TAF3: variants seen among roughly 807,000 people sequenced by gnomAD.
The protein encoded by TAF3 is transcription initiation factor TFIID subunit 3.
A neutral mutation model predicts 80.6 loss-of-function variants in TAF3; 7 were observed. The observed-to-expected ratio is 0.09, with a 90% CI of 0.05 to 0.16. TAF3 has a LOEUF of 0.16. Among genes scored for constraint, TAF3 ranks in the 10% least tolerant of loss-of-function variants. The pLI, the probability that TAF3 is intolerant of heterozygous loss-of-function variation, is 1.00. For synonymous variants in TAF3, 444 were observed against 446.1 expected, an observed-to-expected ratio of 1.00 and a Z score of 0.06; for missense variants, 921 against 1,140.2, an observed-to-expected ratio of 0.81 and a Z score of 2.77.
chr10:7,939,001 A>G (rs1393367346), intron 2 of TAF3, among the ~76,000 whole-genome samples: 2 of 152,232 alleles, frequency 1.3e-5, no homozygotes, highest in Non-Finnish European at 1.5e-5. Context: ...GTGGGAACTG[A>G]CTTAGCAGAG....
chr10:7,969,853 T>TA (rs1342192984), intron 3 of TAF3, among the ~76,000 whole-genome samples: 1 of 152,200 alleles, frequency 6.6e-6, no homozygotes, highest in African/African-American at 2.4e-5. Context: ...CTCTGCCACT[T>TA]ACTCGTTATT....
chr10:7,840,889 G>T (rs1269481000), intron 2 of TAF3, among the ~76,000 whole-genome samples: 4 of 146,486 alleles, frequency 2.7e-5, no homozygotes, highest in Admixed American at 2.1e-4. Flanking sequence ...TGCTCTTGTT[G>T]CCCAGGCTGG....
At chr10:7,981,380 A>G (rs1831724231) in intron 4 of TAF3, among the ~76,000 whole-genome samples, 1 of 152,180 alleles carries the variant, frequency 6.6e-6, no homozygotes, top group South Asian at 2.1e-4. Context: ...AGCAAGCACC[A>G]GAGAAGGGGT....
At chr10:7,896,213 T>C (rs1033004385) in intron 2 of TAF3, among the ~76,000 whole-genome samples, 6 of 152,226 alleles carry the variant, frequency 3.9e-5, no homozygotes, top group African/African-American at 1.4e-4. Flanking sequence ...TTCAGTTTTC[T>C]AATAAAATAA....
At chr10:7,836,594 A>G (rs1304611742) in intron 2 of TAF3, among the ~76,000 whole-genome samples, 1 of 151,902 alleles carries the variant, frequency 6.6e-6, no homozygotes, top group Non-Finnish European at 1.5e-5. Flanking sequence ...TTTTCTTACC[A>G]CGAATACACC....
At chr10:7,880,271 C>T (rs1450762144) in intron 2 of TAF3, among the ~76,000 whole-genome samples, 2 of 152,146 alleles carry the variant, frequency 1.3e-5, no homozygotes, top group Non-Finnish European at 2.9e-5. Context: ...AAGTAACTTA[C>T]TCCTTAGACT....
At chr10:7,911,076 T>A (rs188641925) in intron 2 of TAF3, among the ~76,000 whole-genome samples, 2 of 152,350 alleles carry the variant, frequency 1.3e-5, no homozygotes, top group Admixed American at 1.3e-4. Context: ...ACTTTAATTA[T>A]ATGATTTTTG....
chr10:7,950,163 G>A (rs990559434), intron 2 of TAF3, among the ~76,000 whole-genome samples: 1 of 152,202 alleles, frequency 6.6e-6, no homozygotes, highest in Non-Finnish European at 1.5e-5. Flanking sequence ...TGCATGAACA[G>A]TCAAACAGTT....
intron 2 of TAF3, among the ~76,000 whole-genome samples, chr10:7,903,303 A>G (rs1400150099): frequency 6.6e-6 from 1 of 152,194 alleles, no homozygotes; most frequent in Non-Finnish European, 1.5e-5. Context: ...AGGCCCCTAC[A>G]GGTGACCCCT....
chr10:7,902,388 A>G (rs1298133699), intron 2 of TAF3, among the ~76,000 whole-genome samples: 1 of 152,088 alleles, frequency 6.6e-6, no homozygotes. Context: ...GCACCACTGC[A>G]CTCTAGCCTG....
intron 2 of TAF3, among the ~76,000 whole-genome samples, chr10:7,847,729 G>A (rs971273558): frequency 1.3e-5 from 2 of 152,106 alleles, no homozygotes; most frequent in Non-Finnish European, 2.9e-5. Flanking sequence ...ACAGATGTGA[G>A]CTACCATGCC....
At position 7,962,410 on chromosome 10, in the gene TAF3, C is replaced by T. The variant is rs149633801; in HGVS notation, c.410-1510C>T. Among the ~76,000 whole-genome samples the T allele has an allele frequency of 3.7e-3, 567 of 152,266 alleles. 4 individuals are homozygous for T. The highest frequency in any genetic ancestry group is 0.02 in the South Asian group (97 of 4,826). On this transcript the variant is annotated intron_variant, in intron 2 of 6. Transcript: ENST00000344293. ...CAGTGTGACTTTTCCCAACACATAC[C>T]CCACACGTTTTTCTCTGTTGTCTAA... is the stretch of plus-strand genomic sequence containing the variant.
chr10:7,871,434 G>GTTTTTTTTTTTTTTT (rs1837263649), intron 2 of TAF3, among the ~76,000 whole-genome samples: 1 of 64,770 alleles, frequency 1.5e-5, no homozygotes, highest in Non-Finnish European at 3.1e-5. Flanking sequence ...AATAACTGCT[G>GTTTTTTTTTTTTTTT]CTTTTTTTTT....
chr10:7,974,508 G>T (rs752796759), intron 3 of TAF3, among the ~76,000 whole-genome samples: 1 of 152,140 alleles, frequency 6.6e-6, no homozygotes, highest in Non-Finnish European at 1.5e-5. Flanking sequence ...GAAACTGTGG[G>T]CAGGGATGAG....
chr10:8,009,234 C>T lies in TAF3; in HGVS notation c.2472C>T (p.Gly824=), dbSNP rs1832028465. Residue 824 remains glycine (G), a synonymous_variant, in exon 5 of 7, where the codon GGC becomes GGT. Transcript: ENST00000344293. The surrounding 1 kb of genome is among the most constrained non-coding windows in gnomAD (Gnocchi z 4.1). ...CGCTGCTCGCCCAGGCCGCCGCGGG[C>T]CCTGCCCTGCTGCCCTCCCCGGGTC... ...PLPLLAQAAA[G]PALLPSPGPA... 6.7e-7 allele frequency: 1 copy of T among 1,492,638 alleles called. No homozygotes were observed. Among genetic ancestry groups the T allele is most frequent in the African/African-American group, 1.5e-5 (1 of 68,384 alleles). 92.5% of individuals were successfully genotyped at this position (1,492,638 alleles called of 1,614,324 possible). A position where few individuals can be genotyped will look rare whatever the true frequency, so the allele number is the denominator to read the frequency against.
intron 4 of TAF3, among the ~76,000 whole-genome samples, chr10:7,986,634 TCTCAGCATCTTGTAACTTCCG>T (rs1444368827): frequency 1.3e-5 from 2 of 152,214 alleles, no homozygotes; most frequent in East Asian, 3.9e-4. Flanking sequence ...TCACTTGGAC[TCTCAGCATCTTGTAACTTCCG>T]CTCAGCATCT....
chr10:7,829,511 T>C (rs1420850920), intron 2 of TAF3, among the ~76,000 whole-genome samples: 1 of 152,168 alleles, frequency 6.6e-6, no homozygotes, highest in African/African-American at 2.4e-5. Context: ...TGAGGATTAT[T>C]GGTTAGGTAT....
intron 3 of TAF3, among the ~76,000 whole-genome samples, chr10:7,967,812 A>G (rs1241926300): frequency 6.6e-6 from 1 of 152,230 alleles, no homozygotes; most frequent in Non-Finnish European, 1.5e-5. Context: ...CCATTGGACC[A>G]TATCAGCTAG....
At chr10:7,852,490 TA>T (rs1394774919) in intron 2 of TAF3, among the ~76,000 whole-genome samples, 1 of 152,194 alleles carries the variant, frequency 6.6e-6, no homozygotes, top group Admixed American at 6.5e-5. Flanking sequence ...GAGTTTTTTA[TA>T]GTCTGAATTT....
Sources: gnomAD v4.1 joint callset for allele counts (sites outside exome capture counted in the v4.1 genomes callset) on GRCh38, gnomAD v4.1.1 for gene constraint, Gnocchi (gnomAD v3.1) non-coding constraint, MANE v1.5 for transcripts, NCBI Gene and HGNC (gene_info 2026-07-23, HGNC 2026-07-21) for gene names.